ATP8B3: variants seen among roughly 807,000 people sequenced by gnomAD.
ATP8B3 encodes the protein ATPase phospholipid transporting 8B3, also known as phospholipid-transporting ATPase IK.
In ATP8B3, 141 loss-of-function variants were observed where a neutral mutation model predicts 140.9. The observed-to-expected ratio is 1.00, with a 90% CI of 0.87 to 1.15. The LOEUF (loss-of-function observed/expected upper bound fraction) is 1.15. ATP8B3 is among the 50% of genes most tolerant of loss of function. ATP8B3 has a pLI of 0.00. For synonymous variants in ATP8B3, 765 were observed against 714.6 expected (o/e 1.07, Z -1.13); for missense variants, 1,874 against 1,740.6 (o/e 1.08, Z -1.36).
Position 1,791,805 on chromosome 19 carries a change from G to A in ATP8B3, c.2247C>T (p.Ile749=), listed in dbSNP as rs960151516. The A allele has an allele frequency of 2.0e-5, 32 of 1,611,802 alleles. 2 individuals carry two copies. Among genetic ancestry groups the A allele is most frequent in the Non-Finnish European group, 8.5e-7 (1 of 1,179,840 alleles). Residue 749 remains isoleucine, a synonymous_variant, in exon 20 of 29, where the codon ATC becomes ATT. Transcript: ENST00000310127. ...TGATGTTGCTCTTCTTGAGACATTTGATGGTTTCAGGGACACCGTCCTGGA... is the reference window on the plus strand; with the variant it reads ...TGATGTTGCTCTTCTTGAGACATTTAATGGTTTCAGGGACACCGTCCTGGA... ...DRLQDGVPET[I]KCLKKSNIKI...
At chr19:1,797,792 C>T (rs2068728308) in intron 14 of ATP8B3, among the ~76,000 whole-genome samples, 1 of 151,782 alleles carries the variant, frequency 6.6e-6, no homozygotes, top group Non-Finnish European at 1.5e-5. Context: ...AGCCACCGCA[C>T]CCAGCCACTT....
intron 24 of ATP8B3, 71 bp downstream of exon 24, chr19:1,788,826 C>G: frequency 7.1e-7 from 1 of 1,412,600 alleles, no homozygotes; most frequent in Non-Finnish European, 9.7e-7. Context: ...AGGGCTGCTC[C>G]TGGCAGCTAT....
intron 24 of ATP8B3, among the ~76,000 whole-genome samples, chr19:1,787,762 C>T (rs376282958): frequency 1.3e-4 from 14 of 110,004 alleles, no homozygotes; most frequent in East Asian, 1.2e-3. Flanking sequence ...AAAAAAAAAA[C>T]GCTGGGTGCG....
In ATP8B3 at chr19:1,806,048, C is replaced by T. The variant is rs775435693; in HGVS notation, c.750+49G>A. On this transcript the variant is annotated intron_variant, in intron 8 of 28. Coordinates refer to ENST00000310127, the MANE Select transcript of ATP8B3 (RefSeq NM_138813.4). This position sits in a 1 kb window ranked among gnomAD's most constrained non-coding sequence, Gnocchi z 5.6. ...CTCCCCACCCTGGGAGGGGTGCTCT[C>T]GGTGAGGGGGCGCGTGGTTCTGGGA... 35 of 1,604,506 alleles carry T rather than the reference C, an allele frequency of 2.2e-5. No homozygotes were observed. Among genetic ancestry groups the T allele is most frequent in the Admixed American group, 1.4e-4 (8 of 58,812 alleles).
Position 1,782,658 on chromosome 19 carries a change from G to A in ATP8B3, c.*370C>T, listed in dbSNP as rs1159477937. On this transcript the variant is annotated 3_prime_UTR_variant, in exon 29 of 29. Coordinates refer to ENST00000310127, the MANE Select transcript of ATP8B3 (RefSeq NM_138813.4). ...GTCAGCTGGCCTGAAAGAAATGACT[G>A]GCTCCCCAGAGGCTGTGGCTGGCTC... 9.2e-5 allele frequency: 25 copies of A among 271,360 alleles called. No homozygotes were observed. In the East Asian group the frequency reaches 2.1e-3, roughly 23 times the overall value. The allele number at this position is 271,360 out of a possible 1,614,324, so 16.8% of individuals were successfully genotyped here. A position where few individuals can be genotyped will look rare whatever the true frequency, so the allele number is the denominator to read the frequency against.
intron 16 of ATP8B3, 135 bp downstream of exon 16, chr19:1,796,576 G>T: frequency 1.7e-6 from 2 of 1,177,412 alleles, no homozygotes; most frequent in South Asian, 1.6e-5. Flanking sequence ...GGTGCGGCTG[G>T]TGTCACACCG....
Position 1,806,955 on chromosome 19 carries a change from C to T in ATP8B3, c.615+213G>A, listed in dbSNP as rs545756592. On this transcript the variant is annotated intron_variant, in intron 6 of 28. Coordinates refer to ENST00000310127, the MANE Select transcript of ATP8B3 (RefSeq NM_138813.4). This position sits in a 1 kb window ranked among gnomAD's most constrained non-coding sequence, Gnocchi z 5.6. ...CCAAAGCTCAATGGCCCCAAAACCACGCACCGACAGAGCCAACGCCACCTG... is the reference window on the plus strand; with the variant it reads ...CCAAAGCTCAATGGCCCCAAAACCATGCACCGACAGAGCCAACGCCACCTG... Among the ~76,000 whole-genome samples, 54 of 152,248 alleles carry T rather than the reference C, an allele frequency of 3.5e-4. No individual in the cohort carries two copies. The highest frequency in any genetic ancestry group is 5.9e-4 in the Admixed American group (9 of 15,290).
Position 1,792,046 on chromosome 19 carries a change from C to T in ATP8B3, c.2145G>A (p.Gln715=), listed in dbSNP as rs748233527. The T allele has an allele frequency of 1.3e-6, 2 of 1,557,082 alleles. No individual in the cohort carries two copies. Among genetic ancestry groups the T allele is most frequent in the Non-Finnish European group, 1.7e-6 (2 of 1,151,358 alleles). The change falls in exon 19 of 29, where the codon CAG becomes CAA. Residue 715 remains glutamine (Q), a synonymous_variant. Coordinates refer to ENST00000310127, the MANE Select transcript of ATP8B3 (RefSeq NM_138813.4). The part of the protein sequence containing the change: ...DIYEDWQQRH[Q]EASLLLQNRA... ...GGTTCTGCAGCAGGAGGCTGGCCTC[C>T]TGGTGGCGCTGCTGCCAGTCCTCGT...
In ATP8B3 at chr19:1,806,506, G is replaced by A. The variant is rs955343822; in HGVS notation, c.677+122C>T. Reference sequence around the variant, plus strand: ...AATGAATGCAGGCCCGGTTCCTGTCGGACTCAACCAGCCGGGAGATCAGGG... The same window carrying A: ...AATGAATGCAGGCCCGGTTCCTGTCAGACTCAACCAGCCGGGAGATCAGGG... On this transcript the variant is annotated intron_variant, in intron 7 of 28. Transcript: ENST00000310127. The surrounding 1 kb of genome is among the most constrained non-coding windows in gnomAD (Gnocchi z 5.6). The A allele has an allele frequency of 1.7e-5, 25 of 1,499,060 alleles. No individual in the cohort carries two copies. The highest frequency in any genetic ancestry group is 1.8e-4 in the Middle Eastern group (1 of 5,624). The allele number at this position is 1,499,060 out of a possible 1,614,324, so 92.9% of individuals were successfully genotyped here.
At chr19:1,788,379 G>A (rs558085213) in intron 24 of ATP8B3, among the ~76,000 whole-genome samples, 3 of 152,274 alleles carry the variant, frequency 2.0e-5, no homozygotes, top group South Asian at 2.1e-4. Flanking sequence ...TGCCGGGCAC[G>A]GTGGCTCACG....
In ATP8B3 at chr19:1,787,314, G is replaced by A. The variant is rs374484556; in HGVS notation, c.3070-128C>T. ...TCGAGTTACACTCAAGGTTGGGGCT[G>A]GGACTGGGGTGGGGTGAAGTGCGGC... On this transcript the variant is annotated intron_variant, in intron 24 of 28. Coordinates refer to ENST00000310127, the MANE Select transcript of ATP8B3 (RefSeq NM_138813.4). The A allele has an allele frequency of 4.1e-5, 29 of 706,316 alleles. No homozygotes were observed. The East Asian group carries it at 7.1e-4, about 17-fold the overall frequency. 43.8% of individuals were successfully genotyped at this position (706,316 alleles called of 1,614,324 possible). A position where few individuals can be genotyped will look rare whatever the true frequency, so the allele number is the denominator to read the frequency against.
intron 14 of ATP8B3, 42 bp downstream of exon 14, chr19:1,799,905 A>C: frequency 6.5e-7 from 1 of 1,537,226 alleles, no homozygotes; most frequent in Non-Finnish European, 8.8e-7. Context: ...AGCCCCTTGA[A>C]GATCGAGGAC....
Position 1,782,883 on chromosome 19 carries a change from C to T in ATP8B3, c.*145G>A. ...CTGGTGAGCACATATTTGGGGAGGG[C>T]AGGTTGGTTTTCTGGATGAAGAGCG... is the stretch of plus-strand genomic sequence containing the variant. On this transcript the variant is annotated 3_prime_UTR_variant, in exon 29 of 29. Transcript: ENST00000310127. 9.5e-7 allele frequency: 1 copy of T among 1,058,156 alleles called. No individual in the cohort carries two copies. Among genetic ancestry groups the T allele is most frequent in the East Asian group, 2.6e-5 (1 of 38,440 alleles). 65.5% of individuals were successfully genotyped at this position (1,058,156 alleles called of 1,614,324 possible). A position where few individuals can be genotyped will look rare whatever the true frequency, so the allele number is the denominator to read the frequency against.
chr19:1,792,187 G>C, intron 18 of ATP8B3, 52 bp from the exon 19 acceptor site: 1 of 1,502,986 alleles, frequency 6.7e-7, no homozygotes, highest in Non-Finnish European at 8.8e-7. Context: ...GACATCCGAG[G>C]CTCAGCCCTC....
chr19:1,803,218 C>T (rs548164640), intron 10 of ATP8B3, among the ~76,000 whole-genome samples: 3 of 152,190 alleles, frequency 2.0e-5, no homozygotes, highest in Non-Finnish European at 2.9e-5. Context: ...CAGACTGGCC[C>T]GGGGCAGCAT....
At position 1,789,960 on chromosome 19, in the gene ATP8B3, C is replaced by G; in HGVS notation, c.2408G>C (p.Ser803Thr). 2 of 1,612,134 alleles carry G rather than the reference C, an allele frequency of 1.2e-6. No homozygotes were observed. The highest frequency in any genetic ancestry group is 1.7e-6 in the Non-Finnish European group (2 of 1,179,568). ...SRILETYWEN[S>T]NNLLTRESLS... The stretch of plus-strand genomic sequence containing the variant: ...GGACTCCCTGGTTAGAAGGTTGTTA[C>G]TGTTTTCCCAGTAGGTCTCCAGGAT... The change falls in exon 22 of 29, where the codon AGT becomes ACT. Residue 803 changes from serine to threonine, a missense_variant. By Grantham distance (58) the Ser-to-Thr change is moderately conservative. Coordinates refer to ENST00000310127, the MANE Select transcript of ATP8B3 (RefSeq NM_138813.4).
intron 14 of ATP8B3, chr19:1,799,728 C>A: frequency 1.7e-6 from 1 of 599,738 alleles, no homozygotes; most frequent in Non-Finnish European, 3.0e-6. Flanking sequence ...TGCACCACTG[C>A]ATTCCTGCCT....
In ATP8B3 at chr19:1,785,360, C is replaced by A. The variant is rs1049774801; in HGVS notation, c.3394-63G>T. On this transcript the variant is annotated intron_variant, in intron 26 of 28. Transcript: ENST00000310127. Reference sequence around the variant, plus strand: ...GGGGCTTGCACCAGGACACCAGCCCCTGGGGTCCAGGAAGGGCACCTGGCA... The same window carrying A: ...GGGGCTTGCACCAGGACACCAGCCCATGGGGTCCAGGAAGGGCACCTGGCA... 3 of 1,552,260 alleles carry A rather than the reference C, an allele frequency of 1.9e-6. No individual in the cohort carries two copies. The African/African-American group carries it at 4.1e-5, about 21-fold the overall frequency.
chr19:1,787,232 A>G, intron 24 of ATP8B3, 46 bp from the exon 25 acceptor site: 1 of 1,517,492 alleles, frequency 6.6e-7, no homozygotes, highest in Non-Finnish European at 9.0e-7. Flanking sequence ...GCCTCCAGGC[A>G]CCCAAGGAGC....
Sources: gnomAD v4.1 joint callset for allele counts (sites outside exome capture counted in the v4.1 genomes callset) on GRCh38, gnomAD v4.1.1 for gene constraint, Gnocchi (gnomAD v3.1) non-coding constraint, MANE v1.5 for transcripts, NCBI Gene and HGNC (gene_info 2026-07-23, HGNC 2026-07-21) for gene names.